THSD4: variants seen among roughly 807,000 people sequenced by gnomAD.
The protein encoded by THSD4 is thrombospondin type-1 domain-containing protein 4.
A neutral mutation model predicts 119.0 loss-of-function variants in THSD4; 69 were observed. That is an observed-to-expected ratio of 0.58 (90% confidence interval 0.48 to 0.71). THSD4 has a LOEUF of 0.71. Among genes scored for constraint, THSD4 ranks in the 30% least tolerant of loss-of-function variants. THSD4 has a pLI of 0.00. For missense variants in THSD4, 1,393 were observed against 1,391.1 expected (o/e 1.00, Z -0.02); for synonymous variants, 524 against 540.4 (o/e 0.97, Z 0.42).
At chr15:71,580,976 G>A (rs754965551) in intron 7 of THSD4, among the ~76,000 whole-genome samples, 1 of 151,970 alleles carries the variant, frequency 6.6e-6, no homozygotes, top group Admixed American at 6.6e-5. Context: ...GGACACTTAA[G>A]TTATTTCCAT....
At chr15:71,377,597 G>A (rs1295924160) in intron 6 of THSD4, among the ~76,000 whole-genome samples, 1 of 152,074 alleles carries the variant, frequency 6.6e-6, no homozygotes, top group Non-Finnish European at 1.5e-5. Flanking sequence ...TAGTGCTACA[G>A]GGAGGATAAG....
At chr15:71,206,084 A>C (rs1596268567) in intron 3 of THSD4, among the ~76,000 whole-genome samples, 1 of 152,228 alleles carries the variant, frequency 6.6e-6, no homozygotes, top group African/African-American at 2.4e-5. Context: ...GTCTTGTTTC[A>C]AGTCGAAAGT....
intron 7 of THSD4, among the ~76,000 whole-genome samples, chr15:71,595,064 G>A (rs1412887727): frequency 6.6e-6 from 1 of 152,158 alleles, no homozygotes; most frequent in Non-Finnish European, 1.5e-5. Context: ...GAACAAAGAT[G>A]AGCTGAGTTT....
chr15:71,652,730 A>G (rs1349483121), intron 7 of THSD4, among the ~76,000 whole-genome samples: 2 of 152,204 alleles, frequency 1.3e-5, no homozygotes, highest in Non-Finnish European at 1.5e-5. Context: ...GAGTCCCTTG[A>G]TAAGATGCTA....
chr15:71,547,581 G>T, intron 7 of THSD4: 2 of 1,381,100 alleles, frequency 1.4e-6, no homozygotes, highest in Admixed American at 2.4e-5. Flanking sequence ...AATTTTATGG[G>T]GTGCAAAGAG....
chr15:71,354,514 T>C (rs2045783521), intron 6 of THSD4, among the ~76,000 whole-genome samples: 1 of 152,210 alleles, frequency 6.6e-6, no homozygotes, highest in Admixed American at 6.5e-5. Context: ...AAGTATCTCA[T>C]GACCTAAAAA....
chr15:71,651,478 C>T (rs1212643074), intron 7 of THSD4, among the ~76,000 whole-genome samples: 1 of 152,200 alleles, frequency 6.6e-6, no homozygotes, highest in African/African-American at 2.4e-5. Flanking sequence ...AGCCTTTTCT[C>T]TCATCATCTC....
intron 7 of THSD4, among the ~76,000 whole-genome samples, chr15:71,494,176 A>G (rs922118973): frequency 2.6e-5 from 4 of 152,216 alleles, no homozygotes; most frequent in African/African-American, 9.6e-5. Flanking sequence ...AAAATTTAGG[A>G]AGAACTATTT....
chr15:71,480,667 A>G (rs2047717052), intron 7 of THSD4, among the ~76,000 whole-genome samples: 3 of 152,186 alleles, frequency 2.0e-5, no homozygotes, highest in Admixed American at 1.3e-4. Context: ...GTTGCCAGCT[A>G]GAGTTGACAA....
rs1182401651 is a variant in THSD4 at position 71,115,966 on chromosome 15, C to T, written c.-80+268C>T. 6.6e-6 allele frequency among the ~76,000 whole-genome samples: 1 copy of T among 152,218 alleles called. No homozygotes were observed. Among genetic ancestry groups the T allele is most frequent in the Non-Finnish European group, 1.5e-5 (1 of 68,030 alleles). On this transcript the variant is annotated intron_variant, in intron 1 of 17. Transcript: ENST00000261862. This position sits in a 1 kb window ranked among gnomAD's most constrained non-coding sequence, Gnocchi z 4.4. ...CTCTGTGCTGGCGCCGGCGCTCATC[C>T]CTCCACCCTCGACTCTAGGGACAGT...
At chr15:71,543,662 G>C (rs547363401) in intron 7 of THSD4, among the ~76,000 whole-genome samples, 12 of 152,358 alleles carry the variant, frequency 7.9e-5, no homozygotes, top group Admixed American at 2.0e-4. Context: ...AGGAATGCAA[G>C]TATCCATTAG....
intron 7 of THSD4, chr15:71,547,180 C>T (rs2140849867): frequency 7.6e-7 from 1 of 1,315,898 alleles, no homozygotes; most frequent in African/African-American, 1.5e-5. Context: ...GCTCCTGTCC[C>T]CTCCCCCAGC....
chr15:71,103,025 T>C (rs192162558), intron 1 of THSD4, among the ~76,000 whole-genome samples: 83 of 152,366 alleles, frequency 5.4e-4, no homozygotes, highest in East Asian at 1.9e-3. Flanking sequence ...GTCTGTTGAT[T>C]GTCTCGTTCC....
intron 6 of THSD4, among the ~76,000 whole-genome samples, chr15:71,373,699 A>G (rs1415911453): frequency 2.0e-5 from 3 of 152,120 alleles, no homozygotes; most frequent in Non-Finnish European, 2.9e-5. Context: ...TTGCCTCTCC[A>G]TGAGCTACAA....
At chr15:71,534,990 T>C (rs966792316) in intron 7 of THSD4, among the ~76,000 whole-genome samples, 2 of 152,150 alleles carry the variant, frequency 1.3e-5, no homozygotes, top group Admixed American at 1.3e-4. Flanking sequence ...ACAGGTATAA[T>C]TTATACATCA....
chr15:71,471,720 C>T (rs1387612360), intron 7 of THSD4, among the ~76,000 whole-genome samples: 1 of 151,474 alleles, frequency 6.6e-6, no homozygotes, highest in Non-Finnish European at 1.5e-5. Flanking sequence ...GTTTCCTTAT[C>T]TATCAAGTGG....
intron 1 of THSD4, among the ~76,000 whole-genome samples, chr15:71,118,403 C>G (rs185261200): frequency 1.2e-4 from 19 of 152,240 alleles, no homozygotes; most frequent in Admixed American, 1.0e-3. Flanking sequence ...GGCAGTGTAT[C>G]CCACCCAGCC....
At position 71,197,650 on chromosome 15, in the gene THSD4, C is replaced by T. The variant is rs561517164; in HGVS notation, c.100-17385C>T. ...AGGCTTAGGACAGCAGAGTGAGCTC[C>T]GCTGGCTGAACTCGGTGCTCCATGG... On this transcript the variant is annotated intron_variant, in intron 3 of 17. Coordinates refer to ENST00000261862, the MANE Select transcript of THSD4 (RefSeq NM_024817.3). Among the ~76,000 whole-genome samples the T allele has an allele frequency of 4.6e-5, 7 of 152,216 alleles. No individual in the cohort carries two copies. In the South Asian group the frequency reaches 6.2e-4, roughly 14 times the overall value.
At chr15:71,214,861 G>T (rs774943770) in intron 3 of THSD4, among the ~76,000 whole-genome samples, 174 bp from the exon 4 acceptor site, 2 of 152,180 alleles carry the variant, frequency 1.3e-5, no homozygotes, top group African/African-American at 4.8e-5. Context: ...TTGCCTTCGC[G>T]GGGCCCTCTT....
Sources: allele counts gnomAD v4.1 joint callset (sites outside exome capture counted in the v4.1 genomes callset), GRCh38; gene constraint gnomAD v4.1.1; non-coding constraint Gnocchi (gnomAD v3.1); transcripts MANE v1.5; gene names NCBI Gene and HGNC (gene_info 2026-07-23, HGNC 2026-07-21).